The following TWIST2 variants were observed in gnomAD, a reference collection of about 807,000 sequenced individuals.
The protein encoded by TWIST2 is twist family bHLH transcription factor 2.
In TWIST2, 1 loss-of-function variant was observed where a neutral mutation model predicts 11.6. That is an observed-to-expected ratio of 0.09 (90% confidence interval 0.03 to 0.41). TWIST2 has a LOEUF of 0.41. Among genes scored for constraint, TWIST2 ranks in the 10% least tolerant of loss-of-function variants. The pLI, the probability that TWIST2 is intolerant of heterozygous loss-of-function variation, is 0.98. For missense variants in TWIST2, 168 were observed against 226.4 expected, an observed-to-expected ratio of 0.74 and a Z score of 1.66; for synonymous variants, 87 against 96.6, an observed-to-expected ratio of 0.90 and a Z score of 0.58.
intron 1 of TWIST2, 96 bp downstream of exon 1, chr2:238,848,829 CCCCGCGG>C: frequency 1.4e-5 from 14 of 1,033,484 alleles, no homozygotes; most frequent in Non-Finnish European, 1.6e-5. Context: ...CTCGGCGAGG[CCCCGCGG>C]GCCGCGGGGG....
intron 1 of TWIST2, among the ~76,000 whole-genome samples, chr2:238,877,956 G>A (rs999238863): frequency 6.6e-6 from 1 of 152,118 alleles, no homozygotes; most frequent in African/African-American, 2.4e-5. Flanking sequence ...GGCAGAAAAC[G>A]CAATGAAATG....
At chr2:238,883,897 G>A (rs572963343) in intron 1 of TWIST2, among the ~76,000 whole-genome samples, 1 of 152,286 alleles carries the variant, frequency 6.6e-6, no homozygotes, top group African/African-American at 2.4e-5. Flanking sequence ...ATTCATGGCC[G>A]ATCAGAGTCG....
At chr2:238,890,009 C>T (rs898630096) in intron 1 of TWIST2, among the ~76,000 whole-genome samples, 2 of 151,826 alleles carry the variant, frequency 1.3e-5, no homozygotes, top group Non-Finnish European at 2.9e-5. Flanking sequence ...CCTGTGCCTT[C>T]ACAGAGGTGC....
intron 1 of TWIST2, among the ~76,000 whole-genome samples, chr2:238,903,489 GGT>G (rs1423969252): frequency 7.1e-6 from 1 of 141,534 alleles, no homozygotes; most frequent in Non-Finnish European, 1.5e-5. Flanking sequence ...CATGATGTGA[GGT>G]GTGTGTGATG....
chr2:238,857,651 T>C (rs1286514898), intron 1 of TWIST2, among the ~76,000 whole-genome samples: 2 of 151,788 alleles, frequency 1.3e-5, no homozygotes, highest in East Asian at 2.0e-4. Context: ...AAATATTACA[T>C]TGAGGCTGGG....
chr2:238,897,227 C>T (rs929362675), intron 1 of TWIST2, among the ~76,000 whole-genome samples: 5 of 145,770 alleles, frequency 3.4e-5, no homozygotes, highest in Admixed American at 6.6e-5. Flanking sequence ...TGGTTGCAGA[C>T]GTTGATTCTT....
intron 1 of TWIST2, among the ~76,000 whole-genome samples, chr2:238,907,740 G>T (rs1273349719): frequency 7.5e-6 from 1 of 134,044 alleles, no homozygotes; most frequent in South Asian, 2.5e-4. Flanking sequence ...ACACATAAAC[G>T]CACACAACAC....
chr2:238,882,957 G>A (rs2106365729), intron 1 of TWIST2, among the ~76,000 whole-genome samples: 1 of 152,142 alleles, frequency 6.6e-6, no homozygotes, highest in Non-Finnish European at 1.5e-5. Context: ...GGTCCAGGGT[G>A]CAGATGTCTG....
intron 1 of TWIST2, among the ~76,000 whole-genome samples, chr2:238,854,522 C>T (rs1271108495): frequency 6.6e-6 from 1 of 152,160 alleles, no homozygotes; most frequent in African/African-American, 2.4e-5. Context: ...AGAGCAGCTC[C>T]CCCCAGGAGG....
At chr2:238,895,654 G>A (rs945271703) in intron 1 of TWIST2, among the ~76,000 whole-genome samples, 2 of 152,192 alleles carry the variant, frequency 1.3e-5, no homozygotes, top group African/African-American at 2.4e-5. Context: ...GACACTCATC[G>A]TGGGGAAACG....
Position 238,906,846 on chromosome 2 carries a change from C to T in TWIST2, c.*36-2996C>T, listed in dbSNP as rs984555259. ...GCTGACACCCACCCCTCCCACCACG[C>T]TCAGCCGCTCTGCGGGAGGAGGGTC... On this transcript the variant is annotated intron_variant, in intron 1 of 1. Coordinates refer to ENST00000612363, the MANE Select transcript of TWIST2 (RefSeq NM_001271893.4). Among the ~76,000 whole-genome samples, 3 of 152,240 alleles carry T rather than the reference C, an allele frequency of 2.0e-5. No homozygotes were observed. In the East Asian group the frequency reaches 5.8e-4, roughly 29 times the overall value.
At chr2:238,874,778 C>T (rs1692773080) in intron 1 of TWIST2, among the ~76,000 whole-genome samples, 1 of 152,144 alleles carries the variant, frequency 6.6e-6, no homozygotes, top group Admixed American at 6.5e-5. Context: ...CTGGGCTCCC[C>T]ACAGCACTTG....
intron 1 of TWIST2, among the ~76,000 whole-genome samples, chr2:238,890,726 T>A (rs183046612): frequency 6.6e-6 from 1 of 152,220 alleles, no homozygotes; most frequent in Non-Finnish European, 1.5e-5. Flanking sequence ...ATCACGACTA[T>A]ATTTCTGTAT....
At position 238,866,633 on chromosome 2, in the gene TWIST2, G is replaced by C. The variant is rs570800442; in HGVS notation, c.*35+17900G>C. ...GATCGCGCCACTGTACTCCAGCCTG[G>C]GTGACAGAGCGAGACTCCACCATGG... On this transcript the variant is annotated intron_variant, in intron 1 of 1. Transcript: ENST00000612363. The surrounding 1 kb of genome is among the most constrained non-coding windows in gnomAD (Gnocchi z 4.9). Among the ~76,000 whole-genome samples, 44 of 152,222 alleles carry C rather than the reference G, an allele frequency of 2.9e-4. No homozygotes were observed. Among genetic ancestry groups the C allele is most frequent in the African/African-American group, 1.0e-3 (43 of 41,546 alleles).
At chr2:238,871,466 ACAC>A (rs1397568043) in intron 1 of TWIST2, among the ~76,000 whole-genome samples, 1 of 81,584 alleles carries the variant, frequency 1.2e-5, no homozygotes, top group African/African-American at 5.0e-5. Context: ...CACCACACAC[ACAC>A]CACATCCCTC....
chr2:238,858,750 G>A (rs555253177), intron 1 of TWIST2, among the ~76,000 whole-genome samples: 141 of 152,242 alleles, frequency 9.3e-4, no homozygotes, highest in African/African-American at 3.3e-3. Flanking sequence ...CCACTGCTAG[G>A]TATATACCCC....
In TWIST2 at chr2:238,863,506, C is replaced by G. The variant is rs1473743807; in HGVS notation, c.*35+14773C>G. Among the ~76,000 whole-genome samples, 1 of 152,182 alleles carries G rather than the reference C, an allele frequency of 6.6e-6. No homozygotes were observed. Among genetic ancestry groups the G allele is most frequent in the Non-Finnish European group, 1.5e-5 (1 of 68,024 alleles). ...TTTCAGCTCTCCTGGCTGGCCTTTA[C>G]CCGCTGGGCAGTTCCCAAATGGCGC... On this transcript the variant is annotated intron_variant, in intron 1 of 1. Transcript: ENST00000612363. This position sits in a 1 kb window ranked among gnomAD's most constrained non-coding sequence, Gnocchi z 4.7.
At chr2:238,907,327 C>T (rs2106376364) in intron 1 of TWIST2, among the ~76,000 whole-genome samples, 1 of 152,332 alleles carries the variant, frequency 6.6e-6, no homozygotes, top group East Asian at 1.9e-4. Context: ...CCTCTCAGCA[C>T]CTTCTCTTTG....
At chr2:238,865,689 ACT>A in intron 1 of TWIST2, among the ~76,000 whole-genome samples, 1 of 119,958 alleles carries the variant, frequency 8.3e-6, no homozygotes. Flanking sequence ...GTCTTTTGGA[ACT>A]TTTTTTTTTT....
Sources: gnomAD v4.1 joint callset for allele counts (sites outside exome capture counted in the v4.1 genomes callset) on GRCh38, gnomAD v4.1.1 for gene constraint, Gnocchi (gnomAD v3.1) non-coding constraint, MANE v1.5 for transcripts, NCBI Gene and HGNC (gene_info 2026-07-23, HGNC 2026-07-21) for gene names.